SPECC1: variants seen among roughly 807,000 people sequenced by gnomAD.
SPECC1 encodes the protein sperm antigen with calponin homology and coiled-coil domains 1.
Under a neutral mutation model 104.1 loss-of-function variants are expected in SPECC1, and 62 were observed. The ratio of observed to expected loss-of-function variants is 0.60; its 90% CI spans 0.49 to 0.74. The LOEUF (loss-of-function observed/expected upper bound fraction) is 0.74. Ranked by LOEUF, SPECC1 falls within the 30% of genes least tolerant of loss-of-function variation. The pLI is 0.00. For missense variants in SPECC1, 1,306 were observed against 1,310.5 expected (o/e 1.00, Z 0.05); for synonymous variants, 513 against 501.6 (o/e 1.02, Z -0.30).
chr17:20,121,367 TTTTG>T (rs2049021967), intron 3 of SPECC1, among the ~76,000 whole-genome samples: 1 of 133,732 alleles, frequency 7.5e-6, no homozygotes, highest in Non-Finnish European at 1.6e-5. Flanking sequence ...GAATTCTTTT[TTTTG>T]TTGTTGTTGT....
chr17:20,062,867 T>C (rs2046236462), intron 1 of SPECC1, among the ~76,000 whole-genome samples: 3 of 152,032 alleles, frequency 2.0e-5, no homozygotes, highest in Non-Finnish European at 1.5e-5. Flanking sequence ...TTTGTATTTT[T>C]AGTGGAGACA....
At chr17:20,220,465 C>G (rs1202040207) in intron 4 of SPECC1, among the ~76,000 whole-genome samples, 2 of 151,716 alleles carry the variant, frequency 1.3e-5, no homozygotes, top group African/African-American at 2.4e-5. Flanking sequence ...ATTCCTTTTT[C>G]AGATTGTTCA....
At chr17:20,091,732 T>TG (rs1230998186) in intron 1 of SPECC1, among the ~76,000 whole-genome samples, 2 of 152,204 alleles carry the variant, frequency 1.3e-5, no homozygotes, top group African/African-American at 2.4e-5. Flanking sequence ...CTTATTTTGT[T>TG]GGTTCTCAGA....
chr17:20,144,175 CTTTTTTTT>C (rs1168474738), intron 3 of SPECC1, among the ~76,000 whole-genome samples: 5 of 94,406 alleles, frequency 5.3e-5, no homozygotes, highest in Non-Finnish European at 5.9e-5. Context: ...TTTTTCTTTT[CTTTTTTTT>C]TTTTTTTTTT....
At chr17:20,271,352 C>G (rs183043162) in intron 12 of SPECC1, among the ~76,000 whole-genome samples, 46 of 152,194 alleles carry the variant, frequency 3.0e-4, no homozygotes, top group African/African-American at 9.9e-4. Context: ...ACTCCCACCC[C>G]CCCCATGCTT....
In SPECC1 at chr17:20,316,966, CCTG is replaced by C. The variant is rs1318198942; in HGVS notation, c.*2904_*2906del. 3 of 214,858 alleles carry C rather than the reference CCTG, an allele frequency of 1.4e-5. No homozygotes were observed. The highest frequency in any genetic ancestry group is 2.3e-5 in the African/African-American group (1 of 44,214). 13.3% of individuals were successfully genotyped at this position (214,858 alleles called of 1,614,324 possible). On this transcript the variant is annotated 3_prime_UTR_variant, in exon 15 of 15. Coordinates refer to ENST00000395527, the MANE Select transcript of SPECC1 (RefSeq NM_001243439.2). ...CAAACTCCCCCATTTTTGTCTGTAT[CCTG>C]CTCTCTTTAGGTTAAAAAGAAGGAA...
At chr17:20,106,994 T>G (rs2048234247) in intron 2 of SPECC1, among the ~76,000 whole-genome samples, 1 of 150,606 alleles carries the variant, frequency 6.6e-6, no homozygotes, top group African/African-American at 2.4e-5. Context: ...CCGTCTCTAC[T>G]AAAAATACAA....
chr17:20,313,281 C>G (rs2041978909), intron 14 of SPECC1, among the ~76,000 whole-genome samples: 1 of 152,126 alleles, frequency 6.6e-6, no homozygotes, highest in Non-Finnish European at 1.5e-5. Flanking sequence ...CAAAAAAACA[C>G]ATTAAGTAGT....
intron 1 of SPECC1, among the ~76,000 whole-genome samples, chr17:20,041,467 C>G (rs2045323882): frequency 6.6e-6 from 1 of 151,982 alleles, no homozygotes; most frequent in African/African-American, 2.4e-5. Flanking sequence ...GTCTCAAACT[C>G]CTGACCTCAG....
chr17:20,166,579 CTT>C (rs1251099203), intron 3 of SPECC1, among the ~76,000 whole-genome samples: 4 of 152,032 alleles, frequency 2.6e-5, no homozygotes, highest in African/African-American at 9.7e-5. Flanking sequence ...CCTCTGAAAA[CTT>C]TTATTATCAA....
At chr17:20,039,576 C>T (rs1567807380) in intron 1 of SPECC1, among the ~76,000 whole-genome samples, 1 of 151,902 alleles carries the variant, frequency 6.6e-6, no homozygotes, top group Non-Finnish European at 1.5e-5. Flanking sequence ...TGTTTTTCAA[C>T]TGAGGTGGAG....
chr17:20,041,262 T>C (rs1019969743), intron 1 of SPECC1, among the ~76,000 whole-genome samples: 5 of 152,134 alleles, frequency 3.3e-5, no homozygotes, highest in African/African-American at 1.2e-4. Flanking sequence ...TGAGATGGAG[T>C]TTTGCTCTTG....
At chr17:20,138,227 G>T (rs1333674432) in intron 3 of SPECC1, among the ~76,000 whole-genome samples, 3 of 151,966 alleles carry the variant, frequency 2.0e-5, no homozygotes, top group South Asian at 2.1e-4. Flanking sequence ...CTCCCAAAGT[G>T]CTGGGATTAC....
intron 1 of SPECC1, among the ~76,000 whole-genome samples, chr17:20,027,129 G>A (rs1567800583): frequency 6.6e-6 from 1 of 152,152 alleles, no homozygotes; most frequent in Non-Finnish European, 1.5e-5. Flanking sequence ...AGAACAAAGT[G>A]TAGGATGACT....
intron 12 of SPECC1, among the ~76,000 whole-genome samples, chr17:20,289,397 G>T (rs1191032999): frequency 6.6e-6 from 1 of 152,040 alleles, no homozygotes; most frequent in Non-Finnish European, 1.5e-5. Context: ...TGCCTCCTGG[G>T]TTCAAGTGAT....
chr17:20,095,992 A>G (rs1448794958), intron 1 of SPECC1: 1 of 152,144 alleles, frequency 6.6e-6, no homozygotes, highest in African/African-American at 2.4e-5. Context: ...TGCCTTCCAC[A>G]TCTCTGTGTG....
At chr17:20,180,867 A>G (rs948530416) in intron 3 of SPECC1, among the ~76,000 whole-genome samples, 1 of 152,108 alleles carries the variant, frequency 6.6e-6, no homozygotes, top group African/African-American at 2.4e-5. Context: ...GGGAATGTAC[A>G]TTTTCCCCTA....
In SPECC1 at chr17:20,285,819, C is replaced by CTT. The variant is rs112146667; in HGVS notation, c.2941-11130_2941-11129dup. On this transcript the variant is annotated intron_variant, in intron 12 of 14. Coordinates refer to ENST00000395527, the MANE Select transcript of SPECC1 (RefSeq NM_001243439.2). The stretch of plus-strand genomic sequence containing the variant: ...CCTCCCTTTCTTTCTTCCTTCCTTC[C>CTT]TTTTTTTTTTTTTGATAGGGTCTCG... 1.9e-3 allele frequency among the ~76,000 whole-genome samples: 264 copies of CTT among 140,260 alleles called. 1 individual carries two copies. The highest frequency in any genetic ancestry group is 6.1e-3 in the African/African-American group (229 of 37,672). 92.0% of individuals were successfully genotyped at this position (140,260 alleles called of 152,430 possible).
chr17:20,281,519 G>T (rs1432882156), intron 12 of SPECC1, among the ~76,000 whole-genome samples: 1 of 152,180 alleles, frequency 6.6e-6, no homozygotes, highest in Non-Finnish European at 1.5e-5. Context: ...GGAAATGTTT[G>T]TGTGGACTCT....
Sources: allele counts gnomAD v4.1 joint callset (sites outside exome capture counted in the v4.1 genomes callset), GRCh38; gene constraint gnomAD v4.1.1; transcripts MANE v1.5; gene names NCBI Gene and HGNC (gene_info 2026-07-23, HGNC 2026-07-21).